GALNT9: variants seen among roughly 807,000 people sequenced by gnomAD.
GALNT9 encodes GalNAc transferase 9.
In GALNT9, 47 loss-of-function variants were observed where a neutral mutation model predicts 63.1. The ratio of observed to expected loss-of-function variants is 0.75; its 90% CI spans 0.59 to 0.95. GALNT9 has a LOEUF of 0.95. Among genes scored for constraint, GALNT9 ranks in the 40% least tolerant of loss-of-function variants. The pLI, the probability that GALNT9 is intolerant of heterozygous loss-of-function variation, is 0.00. For synonymous variants in GALNT9, 396 were observed against 365.7 expected, an observed-to-expected ratio of 1.08 and a Z score of -0.94; for missense variants, 829 against 874.8, an observed-to-expected ratio of 0.95 and a Z score of 0.66.
Position 132,247,909 on chromosome 12 carries a change from C to T in GALNT9, c.1077+1G>A. 1 of 1,551,414 alleles carries T rather than the reference C, an allele frequency of 6.4e-7. No homozygotes were observed. The highest frequency in any genetic ancestry group is 8.7e-7 in the Non-Finnish European group (1 of 1,147,002). ...TCCCTGGACACCGGGGCCGCACTCA[C>T]CCTCATGCCCAGTTCTACGTTCTCG... On this transcript the variant is annotated splice_donor_variant, in intron 6 of 10. Coordinates refer to ENST00000328957, the MANE Select transcript of GALNT9 (RefSeq NM_001122636.2). LOFTEE classifies it high-confidence loss of function.
intron 1 of GALNT9, among the ~76,000 whole-genome samples, chr12:132,303,222 G>GA (rs1881376497): frequency 6.6e-6 from 1 of 151,978 alleles, no homozygotes; most frequent in Non-Finnish European, 1.5e-5. Context: ...GGCTGGGCAG[G>GA]CGCCCTGAGT....
chr12:132,197,029 G>T lies in GALNT9; in HGVS notation c.*78C>A. 1 of 1,579,730 alleles carries T rather than the reference G, an allele frequency of 6.3e-7. No individual in the cohort carries two copies. The highest frequency in any genetic ancestry group is 1.7e-5 in the Admixed American group (1 of 58,336). On this transcript the variant is annotated 3_prime_UTR_variant, in exon 11 of 11. Coordinates refer to ENST00000328957, the MANE Select transcript of GALNT9 (RefSeq NM_001122636.2). ...AGCCCTGTCCTGCTGTGTCTGCCGGGCACACCCCGGTCACTCAGCCACACT... is the reference window on the plus strand; with the variant it reads ...AGCCCTGTCCTGCTGTGTCTGCCGGTCACACCCCGGTCACTCAGCCACACT...
intron 2 of GALNT9, among the ~76,000 whole-genome samples, chr12:132,271,112 C>T (rs1361913903): frequency 6.6e-6 from 1 of 152,224 alleles, no homozygotes; most frequent in African/African-American, 2.4e-5. Context: ...GCCAGTCCCC[C>T]ATGCGCCCTT....
At chr12:132,317,635 G>T (rs1002348601) in intron 1 of GALNT9, among the ~76,000 whole-genome samples, 1 of 152,232 alleles carries the variant, frequency 6.6e-6, no homozygotes, top group Non-Finnish European at 1.5e-5. Context: ...TTGAGATTTT[G>T]TGTTTTTAAA....
intron 1 of GALNT9, among the ~76,000 whole-genome samples, chr12:132,298,822 A>T (rs144170726): frequency 0.035 from 4,452 of 126,222 alleles, 256 homozygotes; most frequent in African/African-American, 0.12. Flanking sequence ...GATAACTCAC[A>T]CCCATAACTA....
intron 6 of GALNT9, among the ~76,000 whole-genome samples, chr12:132,230,099 G>T (rs1423737847): frequency 1.3e-5 from 2 of 152,116 alleles, no homozygotes; most frequent in African/African-American, 2.4e-5. Context: ...GGCACAGAGG[G>T]CATCGTAATT....
intron 2 of GALNT9, among the ~76,000 whole-genome samples, chr12:132,267,485 CA>C (rs1879646298): frequency 6.6e-6 from 1 of 152,208 alleles, no homozygotes; most frequent in South Asian, 2.1e-4. Context: ...CCCAGCACCC[CA>C]GAGGGCTTCA....
intron 3 of GALNT9, among the ~76,000 whole-genome samples, chr12:132,262,202 G>T (rs985381599): frequency 6.6e-6 from 1 of 152,218 alleles, no homozygotes; most frequent in African/African-American, 2.4e-5. Flanking sequence ...ATGAGAAGAA[G>T]AGAGGATGCA....
At chr12:132,289,287 A>C (rs1203547692) in intron 1 of GALNT9, among the ~76,000 whole-genome samples, 1 of 151,984 alleles carries the variant, frequency 6.6e-6, no homozygotes. Flanking sequence ...CTTGGTTTTC[A>C]TCTCATCGGC....
intron 5 of GALNT9, among the ~76,000 whole-genome samples, chr12:132,256,804 T>C (rs1185302400): frequency 6.6e-6 from 1 of 152,222 alleles, no homozygotes; most frequent in Admixed American, 6.5e-5. Context: ...TGCCATGTCC[T>C]TGTCAACATT....
At chr12:132,311,981 T>C (rs1479548236) in intron 1 of GALNT9, among the ~76,000 whole-genome samples, 2 of 152,266 alleles carry the variant, frequency 1.3e-5, no homozygotes, top group South Asian at 4.1e-4. Context: ...AGAGAGACCC[T>C]GGTTTGCCTT....
chr12:132,309,965 C>T (rs1241818466), intron 1 of GALNT9, among the ~76,000 whole-genome samples: 8 of 152,356 alleles, frequency 5.3e-5, no homozygotes, highest in South Asian at 2.1e-4. Flanking sequence ...GTGACCTCGC[C>T]GCTGAGGGTG....
chr12:132,216,578 G>A (rs1877207308), intron 6 of GALNT9, among the ~76,000 whole-genome samples: 1 of 152,226 alleles, frequency 6.6e-6, no homozygotes, highest in African/African-American at 2.4e-5. Context: ...GGCACTGAGT[G>A]TCCCCCATGT....
At chr12:132,263,150 G>A (rs929615121) in intron 2 of GALNT9, among the ~76,000 whole-genome samples, 1 of 152,198 alleles carries the variant, frequency 6.6e-6, no homozygotes, top group Admixed American at 6.5e-5. Context: ...CAGCCAAGGA[G>A]CCAGCCACCC....
intron 6 of GALNT9, 72 bp from the exon 7 acceptor site, chr12:132,203,762 G>GGCCCTCTGTTCC: frequency 6.6e-7 from 1 of 1,514,580 alleles, no homozygotes; most frequent in African/African-American, 1.5e-5. Context: ...CTAGGGGCCC[G>GGCCCTCTGTTCC]TGAGAGGCCA....
rs139315258 is a variant in GALNT9, at chr12:132,298,067, T to G, written c.239-11637A>C. Reference sequence around the variant, plus strand: ...CCAATTCACTCCCATGATAACCAACTCACTCCCACAATAACCAACTAACTC... The same window carrying G: ...CCAATTCACTCCCATGATAACCAACGCACTCCCACAATAACCAACTAACTC... On this transcript the variant is annotated intron_variant, in intron 1 of 10. Transcript: ENST00000328957. 1.1e-3 allele frequency among the ~76,000 whole-genome samples: 173 copies of G among 151,292 alleles called. 3 individuals carry two copies. The highest frequency in any genetic ancestry group is 3.9e-3 in the African/African-American group (161 of 41,176).
At chr12:132,307,317 CA>C (rs1388180996) in intron 1 of GALNT9, among the ~76,000 whole-genome samples, 2 of 152,166 alleles carry the variant, frequency 1.3e-5, no homozygotes, top group African/African-American at 2.4e-5. Flanking sequence ...ATTAAGTTAA[CA>C]AATACGCACT....
chr12:132,277,994 G>A lies in GALNT9; in HGVS notation c.419+8256C>T, dbSNP rs1266429487. Reference sequence around the variant, plus strand: ...AGCTCTGAGGCCCTCCCCCCGCCCCGGCCCCCTCCCCCTCACTCCCACACC... The same window carrying A: ...AGCTCTGAGGCCCTCCCCCCGCCCCAGCCCCCTCCCCCTCACTCCCACACC... On this transcript the variant is annotated intron_variant, in intron 2 of 10. Coordinates refer to ENST00000328957, the MANE Select transcript of GALNT9 (RefSeq NM_001122636.2). 1.5e-3 allele frequency: 38 copies of A among 26,162 alleles called. No individual in the cohort carries two copies. The East Asian group carries it at 0.028, about 19-fold the overall frequency. 1.6% of individuals were successfully genotyped at this position (26,162 alleles called of 1,614,324 possible).
intron 6 of GALNT9, among the ~76,000 whole-genome samples, chr12:132,215,022 C>T (rs1320123552): frequency 1.3e-5 from 2 of 152,246 alleles, no homozygotes; most frequent in African/African-American, 4.8e-5. Flanking sequence ...TCTGTAGCAC[C>T]CTCCGCTGGT....
Sources: allele counts gnomAD v4.1 joint callset (sites outside exome capture counted in the v4.1 genomes callset), GRCh38; gene constraint gnomAD v4.1.1; transcripts MANE v1.5; gene names NCBI Gene and HGNC (gene_info 2026-07-23, HGNC 2026-07-21).